The following KCNMB2 variants were observed in gnomAD, a reference collection of about 807,000 sequenced individuals.
KCNMB2 encodes potassium calcium-activated channel subfamily M regulatory beta subunit 2.
A neutral mutation model predicts 24.5 loss-of-function variants in KCNMB2; 9 were observed. The observed-to-expected ratio is 0.37, with a 90% CI of 0.22 to 0.64. The LOEUF (loss-of-function observed/expected upper bound fraction) is 0.64, where lower values mean the gene tolerates loss of function less well. Ranked by LOEUF, KCNMB2 falls within the 30% of genes least tolerant of loss-of-function variation. The pLI, the probability that KCNMB2 is intolerant of heterozygous loss-of-function variation, is 0.63. For missense variants in KCNMB2, 226 were observed against 284.3 expected (o/e 0.79, Z 1.47); for synonymous variants, 109 against 104.4 (o/e 1.04, Z -0.27).
intron 1 of KCNMB2, among the ~76,000 whole-genome samples, chr3:178,683,114 A>C (rs1238431842): frequency 6.6e-6 from 1 of 152,194 alleles, no homozygotes; most frequent in African/African-American, 2.4e-5. Flanking sequence ...TAGATGGTAC[A>C]TATACACCAT....
At chr3:178,827,058 A>T (rs796915373) in intron 3 of KCNMB2, among the ~76,000 whole-genome samples, 9 of 152,282 alleles carry the variant, frequency 5.9e-5, no homozygotes, top group African/African-American at 2.2e-4. Flanking sequence ...ATAAAACTTC[A>T]CACATGCAAA....
At chr3:178,749,949 T>C (rs530251698) in intron 1 of KCNMB2, among the ~76,000 whole-genome samples, 20 of 152,318 alleles carry the variant, frequency 1.3e-4, no homozygotes, top group African/African-American at 3.9e-4. Context: ...CTATGTAAGA[T>C]TGAAGACAGA....
intron 1 of KCNMB2, among the ~76,000 whole-genome samples, chr3:178,621,969 T>G (rs557043499): frequency 1.9e-4 from 29 of 152,344 alleles, no homozygotes; most frequent in African/African-American, 6.7e-4. Flanking sequence ...CCTTTGCCAC[T>G]TACTAGCTGT....
chr3:178,710,668 G>C (rs545625185), intron 1 of KCNMB2, among the ~76,000 whole-genome samples: 1 of 152,212 alleles, frequency 6.6e-6, no homozygotes, highest in East Asian at 1.9e-4. Flanking sequence ...CTGTGTATAG[G>C]AGGAGGCCAA....
At chr3:178,722,485 G>C (rs1722838969) in intron 1 of KCNMB2, among the ~76,000 whole-genome samples, 1 of 152,168 alleles carries the variant, frequency 6.6e-6, no homozygotes, top group Non-Finnish European at 1.5e-5. Context: ...GCACAAGAGA[G>C]GGCTGAACTC....
chr3:178,551,093 A>G (rs777965143), intron 1 of KCNMB2, among the ~76,000 whole-genome samples: 2 of 152,224 alleles, frequency 1.3e-5, no homozygotes, highest in Non-Finnish European at 2.9e-5. Context: ...GTGAGGATGC[A>G]GATTTTTCTT....
intron 1 of KCNMB2, among the ~76,000 whole-genome samples, chr3:178,546,895 C>A (rs1168036267): frequency 6.6e-6 from 1 of 152,168 alleles, no homozygotes; most frequent in Non-Finnish European, 1.5e-5. Flanking sequence ...TGTAGTAATC[C>A]AAATGATGCT....
At chr3:178,695,859 G>A (rs1721855263) in intron 1 of KCNMB2, among the ~76,000 whole-genome samples, 1 of 152,202 alleles carries the variant, frequency 6.6e-6, no homozygotes, top group East Asian at 1.9e-4. Context: ...CTTCCAAATG[G>A]TTCCAACCTC....
At chr3:178,778,357 T>C (rs1712668042) in intron 1 of KCNMB2, among the ~76,000 whole-genome samples, 1 of 152,080 alleles carries the variant, frequency 6.6e-6, no homozygotes, top group Admixed American at 6.6e-5. Context: ...ACGGGCTTAA[T>C]AGCCAACTCA....
intron 1 of KCNMB2, among the ~76,000 whole-genome samples, chr3:178,549,474 C>CTTTTTTTTTTT (rs1237618463): frequency 1.5e-3 from 140 of 94,614 alleles, no homozygotes; most frequent in African/African-American, 2.4e-3. Context: ...CAATGCCCAG[C>CTTTTTTTTTTT]TTTTTTTTTT....
Position 178,843,219 on chromosome 3 carries a change from T to G in KCNMB2, c.*282T>G. The G allele has an allele frequency of 1.9e-6, 1 of 522,424 alleles. No homozygotes were observed. Among genetic ancestry groups the G allele is most frequent in the Non-Finnish European group, 3.7e-6 (1 of 270,518 alleles). 32.4% of individuals were successfully genotyped at this position (522,424 alleles called of 1,614,324 possible). On this transcript the variant is annotated 3_prime_UTR_variant, in exon 5 of 5. Coordinates refer to ENST00000452583, the MANE Select transcript of KCNMB2 (RefSeq NM_181361.3). Reference sequence around the variant, plus strand: ...TCATTCCGCCAAAACAGGGCTCAGTTATTCATTTGCCAAGCTTCGTGGAGG... The same window carrying G: ...TCATTCCGCCAAAACAGGGCTCAGTGATTCATTTGCCAAGCTTCGTGGAGG...
intron 1 of KCNMB2, among the ~76,000 whole-genome samples, chr3:178,763,425 T>C (rs139169035): frequency 3.9e-5 from 6 of 152,072 alleles, no homozygotes; most frequent in Admixed American, 2.6e-4. Flanking sequence ...GGAAGGATTA[T>C]AGGAAAAGAC....
intron 1 of KCNMB2, among the ~76,000 whole-genome samples, chr3:178,584,986 T>C (rs1717374082): frequency 6.6e-6 from 1 of 152,188 alleles, no homozygotes; most frequent in African/African-American, 2.4e-5. Flanking sequence ...ATGTTCTTTC[T>C]TGTAAGGAGT....
chr3:178,607,381 T>C (rs1431627960), intron 1 of KCNMB2, among the ~76,000 whole-genome samples: 1 of 152,182 alleles, frequency 6.6e-6, no homozygotes, highest in Non-Finnish European at 1.5e-5. Context: ...TCAGTGGTCA[T>C]TTAAAATCCA....
chr3:178,807,235 CG>C (rs1714006000), intron 1 of KCNMB2, 107 bp from the exon 2 acceptor site: 3 of 500,942 alleles, frequency 6.0e-6, no homozygotes, highest in Admixed American at 3.7e-5. Context: ...AATATGCAGC[CG>C]GGATTGAAAA....
chr3:178,643,913 A>T (rs938076003), intron 1 of KCNMB2, among the ~76,000 whole-genome samples: 7 of 152,218 alleles, frequency 4.6e-5, no homozygotes, highest in Admixed American at 4.6e-4. Flanking sequence ...TTGCCCATGG[A>T]ACTACCAGAA....
intron 1 of KCNMB2, among the ~76,000 whole-genome samples, chr3:178,603,099 G>A (rs1044161910): frequency 6.6e-6 from 1 of 152,114 alleles, no homozygotes; most frequent in Non-Finnish European, 1.5e-5. Flanking sequence ...CAGGTGATGA[G>A]GTCTTTGAAG....
intron 1 of KCNMB2, among the ~76,000 whole-genome samples, chr3:178,780,033 G>A (rs1712758399): frequency 2.1e-5 from 3 of 142,074 alleles, no homozygotes; most frequent in Non-Finnish European, 4.5e-5. Context: ...TTCTAATGGT[G>A]ACCAATTAGT....
chr3:178,667,826 C>T (rs560460506), intron 1 of KCNMB2, among the ~76,000 whole-genome samples: 21 of 152,204 alleles, frequency 1.4e-4, no homozygotes, highest in African/African-American at 3.9e-4. Context: ...TCTTGAGTAT[C>T]GGCTTTCCTG....
Sources: gnomAD v4.1 joint callset for allele counts (sites outside exome capture counted in the v4.1 genomes callset) on GRCh38, gnomAD v4.1.1 for gene constraint, MANE v1.5 for transcripts, NCBI Gene and HGNC (gene_info 2026-07-23, HGNC 2026-07-21) for gene names.